Variants in TMEM14A observed in about 807,000 individuals in gnomAD.
The protein encoded by TMEM14A is transmembrane protein 14A.
Under a neutral mutation model 11.6 loss-of-function variants are expected in TMEM14A, and 8 were observed. The observed-to-expected ratio is 0.69, with a 90% confidence interval of 0.40 to 1.24. The LOEUF (loss-of-function observed/expected upper bound fraction) is 1.24. Among genes scored for constraint, TMEM14A ranks in the 50% most tolerant of loss-of-function variants. TMEM14A has a pLI of 0.01. For synonymous variants in TMEM14A, 34 were observed against 45.5 expected, an observed-to-expected ratio of 0.75 and a Z score of 1.02; for missense variants, 108 against 121.9, an observed-to-expected ratio of 0.89 and a Z score of 0.54.
chr6:52,675,624 A>T (rs1769242567), intron 1 of TMEM14A, among the ~76,000 whole-genome samples: 5 of 152,250 alleles, frequency 3.3e-5, no homozygotes, highest in Admixed American at 3.3e-4. Flanking sequence ...TGTCATTGTC[A>T]TCCATTTAAC....
At position 52,680,691 on chromosome 6, in the gene TMEM14A, G is replaced by GTGTATATATATATA. The variant is rs758417981; in HGVS notation, c.71-1121_71-1120insGTATATATATATAT. ...TGTGTATATATATATATACATATAT[G>GTGTATATATATATA]TATATATATATATACACATATATAT... On this transcript the variant is annotated intron_variant, in intron 2 of 4. Transcript: ENST00000211314. Among the ~76,000 whole-genome samples, 41 of 35,302 alleles carry GTGTATATATATATA rather than the reference G, an allele frequency of 1.2e-3. 2 individuals are homozygous for GTGTATATATATATA. The highest frequency in any genetic ancestry group is 4.2e-3 in the East Asian group (4 of 948). The allele number at this position is 35,302 out of a possible 152,430, so 23.2% of individuals were successfully genotyped here.
intron 1 of TMEM14A, among the ~76,000 whole-genome samples, chr6:52,675,174 C>T (rs776896331): frequency 6.6e-6 from 1 of 152,168 alleles, no homozygotes; most frequent in Non-Finnish European, 1.5e-5. Flanking sequence ...TGAGCTACCT[C>T]GCCTGGCCCC....
intron 2 of TMEM14A, among the ~76,000 whole-genome samples, chr6:52,680,704 T>TATATATATATATACATACACAC (rs371102796): frequency 3.9e-5 from 2 of 51,106 alleles, no homozygotes; most frequent in Non-Finnish European, 8.8e-5. Flanking sequence ...TATATATATA[T>TATATATATATATACATACACAC]ACACATATAT....
chr6:52,674,889 C>CTTTT (rs35094326), intron 1 of TMEM14A, among the ~76,000 whole-genome samples: 6 of 139,466 alleles, frequency 4.3e-5, no homozygotes, highest in South Asian at 2.3e-4. Context: ...AATTCTTCTT[C>CTTTT]TTTTTTTTTT....
At chr6:52,675,696 T>TGCCACCACAGAAGA (rs1186408986) in intron 1 of TMEM14A, among the ~76,000 whole-genome samples, 1 of 152,276 alleles carries the variant, frequency 6.6e-6, no homozygotes, top group Non-Finnish European at 1.5e-5. Context: ...TGGATGTCTC[T>TGCCACCACAGAAGA]GCTACCACAG....
chr6:52,681,920 T>C lies in TMEM14A; in HGVS notation c.172+6T>C. ...AGATGTAAAAGTGTCACTGTGTAAGTAAGGCATTTTTCCTGGTTACAGAGA... is the reference window on the plus strand; with the variant it reads ...AGATGTAAAAGTGTCACTGTGTAAGCAAGGCATTTTTCCTGGTTACAGAGA... On this transcript the variant is annotated splice_donor_region_variant and intron_variant, in intron 3 of 4. Transcript: ENST00000211314. The C allele has an allele frequency of 6.2e-7, 1 of 1,611,988 alleles. No homozygotes were observed. Among genetic ancestry groups the C allele is most frequent in the Non-Finnish European group, 8.5e-7 (1 of 1,178,216 alleles).
intron 1 of TMEM14A, among the ~76,000 whole-genome samples, chr6:52,676,332 A>C (rs960704413): frequency 3.9e-5 from 6 of 152,110 alleles, no homozygotes; most frequent in African/African-American, 1.4e-4. Flanking sequence ...GGCTCATTGC[A>C]ACCTCAACCT....
At chr6:52,671,494 C>T (rs1184179417) in intron 1 of TMEM14A, among the ~76,000 whole-genome samples, 1 of 152,052 alleles carries the variant, frequency 6.6e-6, no homozygotes, top group African/African-American at 2.4e-5. Context: ...TGCCTCCTAC[C>T]TTCCTGGATC....
intron 2 of TMEM14A, 129 bp downstream of exon 2, chr6:52,677,301 C>T (rs1769275706): frequency 3.1e-6 from 3 of 968,912 alleles, no homozygotes; most frequent in African/African-American, 1.6e-5. Context: ...ACCAGCGTGT[C>T]TTGGAAGGGA....
Position 52,671,260 on chromosome 6 carries a change from C to G in TMEM14A, c.-17+15C>G, listed in dbSNP as rs1407224127. 1 of 152,260 alleles carries G rather than the reference C, an allele frequency of 6.6e-6. No individual in the cohort carries two copies. The highest frequency in any genetic ancestry group is 1.9e-4 in the East Asian group (1 of 5,200). The allele number at this position is 152,260 out of a possible 1,614,324, so 9.4% of individuals were successfully genotyped here. ...CGGGGCTGCAGGTGAGCTGTGCATC[C>G]CGCAATGGAGACCTTCCTGCTCTGA... On this transcript the variant is annotated intron_variant, in intron 1 of 4. Coordinates refer to ENST00000211314, the MANE Select transcript of TMEM14A (RefSeq NM_014051.4).
In TMEM14A at chr6:52,686,108, T is replaced by C; in HGVS notation, c.*59T>C. The C allele has an allele frequency of 7.2e-7, 1 of 1,392,560 alleles. No individual in the cohort carries two copies. Among genetic ancestry groups the C allele is most frequent in the Non-Finnish European group, 9.7e-7 (1 of 1,028,502 alleles). The allele number at this position is 1,392,560 out of a possible 1,614,324, so 86.3% of individuals were successfully genotyped here. A position where few individuals can be genotyped will look rare whatever the true frequency, so the allele number is the denominator to read the frequency against. Reference sequence around the variant, plus strand: ...ATCCTGCTGTAATGGGCAGAGCATATTTTTTTTGTATTTAAAAGATAAACT... The same window carrying C: ...ATCCTGCTGTAATGGGCAGAGCATACTTTTTTTGTATTTAAAAGATAAACT... On this transcript the variant is annotated 3_prime_UTR_variant, in exon 5 of 5. Coordinates refer to ENST00000211314, the MANE Select transcript of TMEM14A (RefSeq NM_014051.4).
At chr6:52,680,681 A>AAATATATGTG (rs1561875095) in intron 2 of TMEM14A, among the ~76,000 whole-genome samples, 1 of 80,446 alleles carries the variant, frequency 1.2e-5, no homozygotes, top group Admixed American at 1.2e-4. Flanking sequence ...ATATATATAT[A>AAATATATGTG]TACATATATG....
intron 1 of TMEM14A, among the ~76,000 whole-genome samples, chr6:52,672,815 A>G (rs927841257): frequency 6.6e-5 from 10 of 152,156 alleles, no homozygotes; most frequent in Non-Finnish European, 1.3e-4. Flanking sequence ...CTTTACTGCA[A>G]CAGCTTCCCG....
chr6:52,680,657 GTATATATATGTGTATA>G (rs1769357376), intron 2 of TMEM14A, among the ~76,000 whole-genome samples: 1 of 46,660 alleles, frequency 2.1e-5, no homozygotes. Context: ...ATATGTGTGT[GTATATATATGTGTATA>G]TATATATATA....
At chr6:52,680,559 C>A in intron 2 of TMEM14A, among the ~76,000 whole-genome samples, 1 of 134,740 alleles carries the variant, frequency 7.4e-6, no homozygotes. Flanking sequence ...TTATCTCCAA[C>A]TGTAACATTC....
intron 2 of TMEM14A, among the ~76,000 whole-genome samples, chr6:52,680,691 G>GTGTGTATATA (rs758417981): frequency 2.8e-5 from 1 of 35,318 alleles, no homozygotes; most frequent in Non-Finnish European, 6.8e-5. Flanking sequence ...ATACATATAT[G>GTGTGTATATA]TATATATATA....
intron 2 of TMEM14A, among the ~76,000 whole-genome samples, chr6:52,680,127 CGCTCACAAGTGAGTA>C (rs1311102125): frequency 6.6e-6 from 1 of 151,908 alleles, no homozygotes; most frequent in African/African-American, 2.4e-5. Context: ...AAACAGCAAT[CGCTCACAAGTGAGTA>C]AGGGCAGACT....
chr6:52,683,772 C>A (rs1033017853), intron 3 of TMEM14A, among the ~76,000 whole-genome samples: 6 of 152,046 alleles, frequency 3.9e-5, no homozygotes, highest in Non-Finnish European at 8.8e-5. Context: ...CCACCATGCC[C>A]TGCTAATTTT....
chr6:52,685,613 T>C (rs1769478973), intron 4 of TMEM14A, among the ~76,000 whole-genome samples: 1 of 149,902 alleles, frequency 6.7e-6, no homozygotes, highest in Non-Finnish European at 1.5e-5. Context: ...GAAGAAAAAA[T>C]GAAGTAGGGT....
Sources: gnomAD v4.1 joint callset for allele counts (sites outside exome capture counted in the v4.1 genomes callset) on GRCh38, gnomAD v4.1.1 for gene constraint, MANE v1.5 for transcripts, NCBI Gene and HGNC (gene_info 2026-07-23, HGNC 2026-07-21) for gene names.